The following SGCZ variants were observed in gnomAD, a reference collection of about 807,000 sequenced individuals.
SGCZ encodes the protein zeta-sarcoglycan.
SGCZ carries 40 observed loss-of-function variants against 41.3 expected under a neutral mutation model. That is an observed-to-expected ratio of 0.97 (90% CI 0.75 to 1.26). SGCZ has a LOEUF of 1.26. Ranked by LOEUF, SGCZ falls within the 50% of genes most tolerant of loss-of-function variation. The pLI, the probability that SGCZ is intolerant of heterozygous loss-of-function variation, is 0.00. For synonymous variants in SGCZ, 206 were observed against 137.5 expected, an observed-to-expected ratio of 1.50 and a Z score of -3.49; for missense variants, 552 against 369.8, an observed-to-expected ratio of 1.49 and a Z score of -4.04.
chr8:14,905,437 C>T (rs967039464), intron 1 of SGCZ, among the ~76,000 whole-genome samples: 2 of 151,616 alleles, frequency 1.3e-5, no homozygotes, highest in South Asian at 4.2e-4. Context: ...ATACTAAGTC[C>T]GAGAGAGAGA....
chr8:14,968,151 G>C (rs1345169837), intron 1 of SGCZ, among the ~76,000 whole-genome samples: 1 of 152,150 alleles, frequency 6.6e-6, no homozygotes, highest in East Asian at 1.9e-4. Context: ...TTTAGAGATT[G>C]AATTACTATC....
intron 1 of SGCZ, among the ~76,000 whole-genome samples, chr8:14,777,615 A>G (rs1353272338): frequency 1.3e-5 from 2 of 152,192 alleles, no homozygotes; most frequent in Non-Finnish European, 1.5e-5. Flanking sequence ...AATGTGATGC[A>G]TAAGACATAC....
At chr8:15,046,131 A>G (rs1804292874) in intron 1 of SGCZ, among the ~76,000 whole-genome samples, 2 of 152,030 alleles carry the variant, frequency 1.3e-5, no homozygotes. Flanking sequence ...AGTGAACAGC[A>G]TTTTTAATAT....
chr8:15,014,421 G>A (rs1349093097), intron 1 of SGCZ, among the ~76,000 whole-genome samples: 2 of 152,320 alleles, frequency 1.3e-5, no homozygotes, highest in East Asian at 3.9e-4. Context: ...TTTTGCGTGT[G>A]TCTTTGTAAA....
chr8:15,104,839 T>C (rs1174355370), intron 1 of SGCZ, among the ~76,000 whole-genome samples: 1 of 152,204 alleles, frequency 6.6e-6, no homozygotes, highest in Non-Finnish European at 1.5e-5. Context: ...CATTTTTGCT[T>C]TTACAAATAA....
At chr8:15,120,967 G>A (rs1807456216) in intron 1 of SGCZ, among the ~76,000 whole-genome samples, 1 of 152,292 alleles carries the variant, frequency 6.6e-6, no homozygotes, top group African/African-American at 2.4e-5. Flanking sequence ...CGCCATGACA[G>A]CAGCCCTGCT....
At chr8:14,964,518 C>T (rs564257796) in intron 1 of SGCZ, among the ~76,000 whole-genome samples, 12 of 152,276 alleles carry the variant, frequency 7.9e-5, no homozygotes, top group South Asian at 4.1e-4. Flanking sequence ...ATTTCATTAG[C>T]GCAAACTCTC....
intron 1 of SGCZ, among the ~76,000 whole-genome samples, chr8:14,953,920 C>A (rs192629176): frequency 6.6e-6 from 1 of 152,142 alleles, no homozygotes; most frequent in South Asian, 2.1e-4. Flanking sequence ...ACAGGAGATA[C>A]TGGCTAAATA....
chr8:14,427,676 A>C (rs1382745277), intron 2 of SGCZ, among the ~76,000 whole-genome samples: 1 of 152,148 alleles, frequency 6.6e-6, no homozygotes, highest in African/African-American at 2.4e-5. Context: ...GCAGCTAGCC[A>C]GAAAGCTATC....
intron 3 of SGCZ, among the ~76,000 whole-genome samples, chr8:14,240,770 T>C (rs1798854438): frequency 6.6e-6 from 1 of 152,368 alleles, no homozygotes; most frequent in Non-Finnish European, 1.5e-5. Context: ...ATCATTTCTG[T>C]ATTTTATATC....
At chr8:15,223,396 C>G (rs1398105089) in intron 1 of SGCZ, among the ~76,000 whole-genome samples, 1 of 152,270 alleles carries the variant, frequency 6.6e-6, no homozygotes, top group East Asian at 1.9e-4. Flanking sequence ...TCCCACCTCA[C>G]ACAAAGACGA....
chr8:14,340,422 A>G (rs1022691352), intron 2 of SGCZ, among the ~76,000 whole-genome samples: 3 of 151,796 alleles, frequency 2.0e-5, no homozygotes, highest in Non-Finnish European at 4.4e-5. Flanking sequence ...ATAACAGCCT[A>G]TTTTTCTTTT....
At chr8:15,051,713 T>A (rs1438759461) in intron 1 of SGCZ, among the ~76,000 whole-genome samples, 2 of 152,218 alleles carry the variant, frequency 1.3e-5, no homozygotes, top group East Asian at 3.9e-4. Context: ...GTGAGTGATA[T>A]CTCATTGTGG....
At chr8:14,553,231 A>G (rs749169634) in intron 2 of SGCZ, among the ~76,000 whole-genome samples, 7 of 152,006 alleles carry the variant, frequency 4.6e-5, no homozygotes, top group South Asian at 2.1e-4. Context: ...GTGTCAAAAT[A>G]TTCCCAAATG....
intron 2 of SGCZ, among the ~76,000 whole-genome samples, chr8:14,482,253 G>C (rs1801554463): frequency 6.6e-6 from 1 of 152,134 alleles, no homozygotes; most frequent in Admixed American, 6.5e-5. Context: ...GCAAATGACA[G>C]GTTCATCTCT....
chr8:14,167,118 A>C (rs1362268758), intron 4 of SGCZ, among the ~76,000 whole-genome samples: 2 of 152,192 alleles, frequency 1.3e-5, no homozygotes, highest in Non-Finnish European at 2.9e-5. Flanking sequence ...CTTTCCTGCA[A>C]ATGGAAAATG....
At chr8:14,768,847 T>A (rs10105135) in intron 1 of SGCZ, among the ~76,000 whole-genome samples, 18,798 of 151,806 alleles carry the variant, frequency 0.12, 1,783 homozygotes, top group African/African-American at 0.26. Context: ...AGTAAGTCAG[T>A]CACTGACAAA....
intron 4 of SGCZ, among the ~76,000 whole-genome samples, chr8:14,177,017 C>G (rs1446528022): frequency 6.6e-6 from 1 of 152,104 alleles, no homozygotes; most frequent in African/African-American, 2.4e-5. Flanking sequence ...GTTACATCAC[C>G]AAGGTTTTGT....
chr8:15,005,319 T>TG (rs1330065406), intron 1 of SGCZ, among the ~76,000 whole-genome samples: 58,667 of 121,330 alleles, frequency 0.48, 12,735 homozygotes, highest in South Asian at 0.57. Flanking sequence ...CCCCCGTTTT[T>TG]TTCTTTTTCT....
Sources: gnomAD v4.1 joint callset for allele counts (sites outside exome capture counted in the v4.1 genomes callset) on GRCh38, gnomAD v4.1.1 for gene constraint, MANE v1.5 for transcripts, NCBI Gene and HGNC (gene_info 2026-07-23, HGNC 2026-07-21) for gene names.